The following SLC7A1 variants were observed in gnomAD, a reference collection of about 807,000 sequenced individuals.
SLC7A1 encodes high affinity cationic amino acid transporter 1.
In SLC7A1, 10 loss-of-function variants were observed where a neutral mutation model predicts 53.9. The ratio of observed to expected loss-of-function variants is 0.19; its 90% CI spans 0.11 to 0.31. The LOEUF is 0.31. SLC7A1 is among the 10% of genes least tolerant of loss of function. The pLI is 1.00. For missense variants in SLC7A1, 525 were observed against 827.2 expected, an observed-to-expected ratio of 0.63 and a Z score of 4.48; for synonymous variants, 342 against 338.7, an observed-to-expected ratio of 1.01 and a Z score of -0.11.
intron 9 of SLC7A1, among the ~76,000 whole-genome samples, chr13:29,518,372 G>A (rs1868458829): frequency 6.6e-6 from 1 of 152,186 alleles, no homozygotes; most frequent in South Asian, 2.1e-4. Context: ...ACCTGCTAGT[G>A]GAGCATCCAT....
At chr13:29,534,101 G>A (rs117080409) in intron 3 of SLC7A1, among the ~76,000 whole-genome samples, 5 of 152,212 alleles carry the variant, frequency 3.3e-5, no homozygotes, top group Non-Finnish European at 5.9e-5. Context: ...TATGGCAAAC[G>A]TGGCTCCCAA....
At chr13:29,570,995 T>G (rs976488107) in intron 1 of SLC7A1, among the ~76,000 whole-genome samples, 5 of 152,242 alleles carry the variant, frequency 3.3e-5, no homozygotes, top group African/African-American at 1.2e-4. Context: ...GCGCTATATG[T>G]TAACTATATT....
At chr13:29,517,938 T>C (rs1868433676) in intron 9 of SLC7A1, 148 bp from the exon 10 acceptor site, 1 of 659,294 alleles carries the variant, frequency 1.5e-6, no homozygotes, top group South Asian at 1.8e-5. Context: ...GCATTGTAGA[T>C]AGACGAGGAG....
At chr13:29,529,722 G>T (rs1869064544) in intron 5 of SLC7A1, among the ~76,000 whole-genome samples, 1 of 152,106 alleles carries the variant, frequency 6.6e-6, no homozygotes, top group South Asian at 2.1e-4. Context: ...AGTTGGAGGG[G>T]GTCTCTTTAT....
Position 29,578,724 on chromosome 13 carries a change from G to A in SLC7A1, c.-115+16692C>T, listed in dbSNP as rs11843217. 9.8e-3 allele frequency among the ~76,000 whole-genome samples: 1,493 copies of A among 152,324 alleles called. 23 individuals are homozygous for A. Among genetic ancestry groups the A allele is most frequent in the African/African-American group, 0.035 (1,445 of 41,570 alleles). On this transcript the variant is annotated intron_variant, in intron 1 of 12. Transcript: ENST00000380752. ...TGCCTTTTCACTGGGTACTCTGAGA[G>A]CTCCAAACCCACTAAGGATCCACCA...
intron 1 of SLC7A1, among the ~76,000 whole-genome samples, chr13:29,593,202 C>T (rs997698572): frequency 6.6e-6 from 1 of 152,224 alleles, no homozygotes; most frequent in Non-Finnish European, 1.5e-5. Context: ...CTTTGCTCAG[C>T]CTTCCCATCT....
At chr13:29,571,425 T>C (rs188747047) in intron 1 of SLC7A1, among the ~76,000 whole-genome samples, 2 of 152,366 alleles carry the variant, frequency 1.3e-5, no homozygotes, top group Admixed American at 6.5e-5. Context: ...CCAGGCTCTA[T>C]AGCATCAACC....
chr13:29,532,631 G>A lies in SLC7A1; in HGVS notation c.529+193C>T, dbSNP rs538248456. 8.5e-5 allele frequency among the ~76,000 whole-genome samples: 13 copies of A among 152,290 alleles called. No homozygotes were observed. In the South Asian group the frequency reaches 2.7e-3, roughly 32 times the overall value. On this transcript the variant is annotated intron_variant, in intron 4 of 12. Coordinates refer to ENST00000380752, the MANE Select transcript of SLC7A1 (RefSeq NM_003045.5). ...CAATTCAACAGCTATGAAGCAGGCC[G>A]GCCCTATCTGAATCTATAAGAAGCA...
intron 1 of SLC7A1, among the ~76,000 whole-genome samples, chr13:29,561,621 G>T (rs1870761067): frequency 6.6e-6 from 1 of 152,210 alleles, no homozygotes; most frequent in Non-Finnish European, 1.5e-5. Context: ...TGGGCTAAGA[G>T]ACTGAAATAA....
chr13:29,570,338 T>A (rs1301133647), intron 1 of SLC7A1, among the ~76,000 whole-genome samples: 2 of 152,212 alleles, frequency 1.3e-5, no homozygotes, highest in Non-Finnish European at 2.9e-5. Context: ...TCCCATTTCA[T>A]ATTTGCTCAC....
At chr13:29,573,944 C>T (rs983702648) in intron 1 of SLC7A1, among the ~76,000 whole-genome samples, 1 of 152,200 alleles carries the variant, frequency 6.6e-6, no homozygotes, top group African/African-American at 2.4e-5. Flanking sequence ...GCGTACCCAG[C>T]TACTAACAAG....
At chr13:29,537,968 A>G (rs1418696233) in intron 2 of SLC7A1, among the ~76,000 whole-genome samples, 4 of 152,176 alleles carry the variant, frequency 2.6e-5, no homozygotes, top group African/African-American at 7.2e-5. Flanking sequence ...GGGCCTCCCC[A>G]CACTGCAGCT....
chr13:29,582,083 C>T (rs1433189579), intron 1 of SLC7A1, among the ~76,000 whole-genome samples: 3 of 152,344 alleles, frequency 2.0e-5, no homozygotes, highest in East Asian at 1.9e-4. Context: ...AAGAGGGGAA[C>T]TGTAAGTTTC....
Position 29,514,089 on chromosome 13 carries a change from CA to C in SLC7A1, c.*390del, listed in dbSNP as rs1002211290. On this transcript the variant is annotated 3_prime_UTR_variant, in exon 13 of 13. Coordinates refer to ENST00000380752, the MANE Select transcript of SLC7A1 (RefSeq NM_003045.5). ...TGGCTGCGAAAGTTTGGAGTATGCA[CA>C]ATTTCAATCCCAGAACAGTCCCCGG... 9.8e-6 allele frequency: 2 copies of C among 203,400 alleles called. No individual in the cohort carries two copies. The highest frequency in any genetic ancestry group is 1.1e-4 in the Admixed American group (2 of 18,298). The allele number at this position is 203,400 out of a possible 1,614,324, so 12.6% of individuals were successfully genotyped here. A position where few individuals can be genotyped will look rare whatever the true frequency, so the allele number is the denominator to read the frequency against.
chr13:29,594,277 T>G (rs1872218513), intron 1 of SLC7A1, among the ~76,000 whole-genome samples: 1 of 152,266 alleles, frequency 6.6e-6, no homozygotes, highest in South Asian at 2.1e-4. Flanking sequence ...GGCACATTCT[T>G]TAGGGAGATA....
At chr13:29,528,049 ACCCTCTGCTGTTCCCTTCTCCAT>A (rs1868979264) in intron 5 of SLC7A1, among the ~76,000 whole-genome samples, 1 of 152,080 alleles carries the variant, frequency 6.6e-6, no homozygotes, top group South Asian at 2.1e-4. Flanking sequence ...GAGGGAGGGG[ACCCTCTGCTGTTCCCTTCTCCAT>A]CCCGCTGACT....
intron 1 of SLC7A1, among the ~76,000 whole-genome samples, chr13:29,557,703 T>G (rs1356996072): frequency 1.6e-4 from 15 of 94,944 alleles, no homozygotes; most frequent in African/African-American, 2.2e-4. Flanking sequence ...TGGGGGGGAG[T>G]GAATGTGAAT....
intron 2 of SLC7A1, among the ~76,000 whole-genome samples, chr13:29,536,821 A>C (rs1351235180): frequency 6.6e-6 from 1 of 152,250 alleles, no homozygotes; most frequent in African/African-American, 2.4e-5. Context: ...CGTCACTGTT[A>C]CTACTACAGG....
chr13:29,576,577 A>G (rs1445610691), intron 1 of SLC7A1, among the ~76,000 whole-genome samples: 2 of 152,228 alleles, frequency 1.3e-5, no homozygotes, highest in Non-Finnish European at 2.9e-5. Context: ...AGGAGGGGAC[A>G]GGACAGGATG....
Sources: gnomAD v4.1 joint callset for allele counts (sites outside exome capture counted in the v4.1 genomes callset) on GRCh38, gnomAD v4.1.1 for gene constraint, MANE v1.5 for transcripts, NCBI Gene and HGNC (gene_info 2026-07-23, HGNC 2026-07-21) for gene names.